NFKBIZ: variants seen among roughly 807,000 people sequenced by gnomAD.
NFKBIZ encodes the protein NF-kappa-B inhibitor zeta.
In NFKBIZ, 19 loss-of-function variants were observed where a neutral mutation model predicts 76.8. The ratio of observed to expected loss-of-function variants is 0.25; its 90% CI spans 0.17 to 0.36. NFKBIZ has a LOEUF of 0.36. Ranked by LOEUF, NFKBIZ falls within the 10% of genes least tolerant of loss-of-function variation. The pLI, the probability that NFKBIZ is intolerant of heterozygous loss-of-function variation, is 1.00. For synonymous variants in NFKBIZ, 368 were observed against 354.8 expected, an observed-to-expected ratio of 1.04 and a Z score of -0.42; for missense variants, 829 against 910.9, an observed-to-expected ratio of 0.91 and a Z score of 1.16.
At chr3:101,851,580 GAT>G (rs1319318085) in intron 1 of NFKBIZ, among the ~76,000 whole-genome samples, 1 of 152,218 alleles carries the variant, frequency 6.6e-6, no homozygotes, top group African/African-American at 2.4e-5. Flanking sequence ...AAGCGGAATT[GAT>G]AGACTTTAAA....
At chr3:101,845,920 G>A (rs934903950), upstream of NFKBIZ, among the ~76,000 whole-genome samples, 3 of 152,110 alleles carry the variant, frequency 2.0e-5, no homozygotes, top group African/African-American at 7.2e-5. Flanking sequence ...CTCTAATCTC[G>A]TTTTTTAAAG....
chr3:101,851,979 G>C, intron 1 of NFKBIZ, 106 bp from the exon 2 acceptor site: 2 of 1,375,600 alleles, frequency 1.5e-6, no homozygotes, highest in Non-Finnish European at 2.0e-6. Flanking sequence ...GCAATGTGCT[G>C]CTTGGGGACT....
chr3:101,858,981 T>C (rs911860363), intron 11 of NFKBIZ, among the ~76,000 whole-genome samples: 11 of 152,212 alleles, frequency 7.2e-5, no homozygotes, highest in Admixed American at 3.3e-4. Flanking sequence ...TACTGTCTTA[T>C]GTTAAATGTT....
intron 2 of NFKBIZ, chr3:101,829,727 G>GT (rs1397072536): frequency 1.3e-5 from 2 of 152,078 alleles, no homozygotes; most frequent in East Asian, 3.9e-4. Flanking sequence ...TAGCATCCAG[G>GT]TGTTACCTAG....
At chr3:101,829,874 A>AT (rs931972433) in intron 2 of NFKBIZ, among the ~76,000 whole-genome samples, 6 of 150,572 alleles carry the variant, frequency 4.0e-5, no homozygotes, top group South Asian at 2.1e-4. Flanking sequence ...GAGAACTAAG[A>AT]TTTTTTGTGT....
intron 5 of NFKBIZ, 96 bp downstream of exon 5, chr3:101,853,959 T>C (rs1943009447): frequency 2.5e-6 from 3 of 1,199,476 alleles, no homozygotes; most frequent in Non-Finnish European, 3.5e-6. Context: ...AGGTATACCT[T>C]AGTTAGTGGT....
intron 1 of NFKBIZ, among the ~76,000 whole-genome samples, chr3:101,851,857 T>C (rs1188541020): frequency 1.3e-5 from 2 of 152,208 alleles, no homozygotes; most frequent in Non-Finnish European, 2.9e-5. Context: ...TTTTATGAAC[T>C]TTAATTTCTT....
At position 101,849,746 on chromosome 3, in the gene NFKBIZ, C is replaced by T. The variant is rs1264797254; in HGVS notation, c.118C>T (p.Pro40Ser). ...CCTGAGCTACTTCTACGGCGCGTCG[C>T]CGCCCGCCGCCGCCCCGGGCGCCTG... is the stretch of plus-strand genomic sequence containing the variant. ...LNLSYFYGASPPAAAPGACDA... is the reference protein window; with the variant it reads ...LNLSYFYGASSPAAAPGACDA... The change falls in exon 1 of 12, where the codon CCG becomes TCG. Residue 40 changes from proline to serine, a missense_variant. Pro to Ser is a moderately conservative substitution (Grantham distance 74). Around this residue, in one of 4 missense-constraint regions of NFKBIZ, gnomAD observed 181 missense variants for 175.3 expected, o/e 1.03. Transcript: ENST00000326172. The T allele has an allele frequency of 1.4e-6, 2 of 1,448,008 alleles. No individual in the cohort carries two copies. The highest frequency in any genetic ancestry group is 1.3e-5 in the South Asian group (1 of 74,176). 89.7% of individuals were successfully genotyped at this position (1,448,008 alleles called of 1,614,324 possible). A position where few individuals can be genotyped will look rare whatever the true frequency, so the allele number is the denominator to read the frequency against.
rs1442643786 is a variant in NFKBIZ, at chr3:101,860,811, A to G, written c.*1440A>G. The G allele has an allele frequency of 6.6e-6, 1 of 151,814 alleles. No individual in the cohort carries two copies. The highest frequency in any genetic ancestry group is 1.5e-5 in the Non-Finnish European group (1 of 67,948). 9.4% of individuals were successfully genotyped at this position (151,814 alleles called of 1,614,324 possible). On this transcript the variant is annotated 3_prime_UTR_variant, in exon 12 of 12. Transcript: ENST00000326172. ...AACCTTTTTTTTTTAAAAAAAAAAAAAAAGAAAATCTCATTAGTGAACTTA... is the reference window on the plus strand; with the variant it reads ...AACCTTTTTTTTTTAAAAAAAAAAAGAAAGAAAATCTCATTAGTGAACTTA...
chr3:101,855,282 A>G, intron 7 of NFKBIZ, 74 bp downstream of exon 7: 1 of 1,602,592 alleles, frequency 6.2e-7, no homozygotes, highest in Non-Finnish European at 8.5e-7. Context: ...AGTCGGATAT[A>G]GGTTGCCTGT....
At chr3:101,831,255 A>G (rs1018510114) in intron 2 of NFKBIZ, among the ~76,000 whole-genome samples, 2 of 152,200 alleles carry the variant, frequency 1.3e-5, no homozygotes, top group African/African-American at 4.8e-5. Context: ...AGCTATTACA[A>G]TAGTTTGTGG....
chr3:101,855,297 A>G (rs1329455418), intron 7 of NFKBIZ, 89 bp downstream of exon 7: 3 of 1,603,642 alleles, frequency 1.9e-6, no homozygotes, highest in Non-Finnish European at 1.7e-6. Flanking sequence ...GCCTGTTGCA[A>G]TGATCTATTT....
intron 2 of NFKBIZ, among the ~76,000 whole-genome samples, chr3:101,835,052 A>T (rs1942698168): frequency 6.6e-6 from 1 of 152,224 alleles, no homozygotes; most frequent in Admixed American, 6.5e-5. Flanking sequence ...TAATAATTAT[A>T]ACTACCATCA....
At chr3:101,838,333 A>G (rs1942748173) in intron 2 of NFKBIZ, among the ~76,000 whole-genome samples, 1 of 152,196 alleles carries the variant, frequency 6.6e-6, no homozygotes, top group Non-Finnish European at 1.5e-5. Context: ...TGAGGCTCAG[A>G]GATTAAGAGA....
intron 1 of NFKBIZ, chr3:101,850,145 C>T: frequency 2.4e-6 from 1 of 412,226 alleles, no homozygotes; most frequent in South Asian, 7.4e-5. Context: ...CTCGGGGGGG[C>T]TTCAGAAACC....
Position 101,849,602 on chromosome 3 carries a change from G to T in NFKBIZ, c.-27G>T. Reference sequence around the variant, plus strand: ...CAGCGAGCCGGTGGCGCAGGTGTCGGGGTCCTCGAGCGCCCAGCCTGGGAG... The same window carrying T: ...CAGCGAGCCGGTGGCGCAGGTGTCGTGGTCCTCGAGCGCCCAGCCTGGGAG... On this transcript the variant is annotated 5_prime_UTR_variant, in exon 1 of 12. Coordinates refer to ENST00000326172, the MANE Select transcript of NFKBIZ (RefSeq NM_031419.4). The T allele has an allele frequency of 7.6e-7, 1 of 1,318,670 alleles. No homozygotes were observed. The highest frequency in any genetic ancestry group is 9.6e-7 in the Non-Finnish European group (1 of 1,037,266). The allele number at this position is 1,318,670 out of a possible 1,614,324, so 81.7% of individuals were successfully genotyped here.
At chr3:101,854,501 A>ATT (rs34931768) in intron 5 of NFKBIZ, 77 bp from the exon 6 acceptor site, 1,061 of 686,222 alleles carry the variant, frequency 1.5e-3, no homozygotes, top group South Asian at 2.0e-3. Flanking sequence ...CTAAAGGAAG[A>ATT]TTTTTTTTTT....
chr3:101,859,211 A>T, intron 11 of NFKBIZ, 107 bp from the exon 12 acceptor site: 1 of 778,202 alleles, frequency 1.3e-6, no homozygotes, highest in Non-Finnish European at 2.2e-6. Context: ...CTTACAAGTT[A>T]ATAGGAGTAG....
intron 2 of NFKBIZ, among the ~76,000 whole-genome samples, chr3:101,841,657 G>A (rs1222150113): frequency 6.6e-6 from 1 of 152,108 alleles, no homozygotes; most frequent in Non-Finnish European, 1.5e-5. Flanking sequence ...ACATTGCTAT[G>A]GGGATAATAA....
Sources: allele counts gnomAD v4.1 joint callset (sites outside exome capture counted in the v4.1 genomes callset), GRCh38; gene constraint gnomAD v4.1.1; regional missense constraint gnomAD v4.1.1; transcripts MANE v1.5; gene names NCBI Gene and HGNC (gene_info 2026-07-23, HGNC 2026-07-21).